Variants in IL23R observed in about 807,000 individuals in gnomAD.
IL23R encodes the protein interleukin-23 receptor.
In IL23R, 34 loss-of-function variants were observed where a neutral mutation model predicts 56.9. The ratio of observed to expected loss-of-function variants is 0.60; its 90% CI spans 0.45 to 0.80. IL23R has a LOEUF of 0.80. Among genes scored for constraint, IL23R ranks in the 30% least tolerant of loss-of-function variants. The probability of loss-of-function intolerance (pLI) is 0.00; values close to 1 mark genes in which losing one functional copy is unlikely to be tolerated. For synonymous variants in IL23R, 230 were observed against 249.2 expected (o/e 0.92, Z 0.73); for missense variants, 635 against 730.0 (o/e 0.87, Z 1.50).
rs557011996 is a variant in IL23R at position 67,182,585 on chromosome 1, G to A, written c.368-251G>A. On this transcript the variant is annotated intron_variant, in intron 3 of 10. Coordinates refer to ENST00000347310, the MANE Select transcript of IL23R (RefSeq NM_144701.3). The stretch of plus-strand genomic sequence containing the variant: ...AATTCCCTGACCCCTTGCACTTCCC[G>A]GGTGAGGCAATGCCTCGCCCTGCTT... 4.0e-4 allele frequency among the ~76,000 whole-genome samples: 61 copies of A among 152,214 alleles called. No homozygotes were observed. The South Asian group carries it at 9.3e-3, about 23-fold the overall frequency.
intron 7 of IL23R, among the ~76,000 whole-genome samples, chr1:67,226,849 C>T (rs1001941198): frequency 1.1e-4 from 17 of 152,174 alleles, no homozygotes; most frequent in Non-Finnish European, 2.1e-4. Context: ...CTAGTACTAT[C>T]TGGTCACCTC....
At chr1:67,226,055 C>G (rs918353737) in intron 7 of IL23R, among the ~76,000 whole-genome samples, 3 of 152,224 alleles carry the variant, frequency 2.0e-5, no homozygotes, top group East Asian at 1.9e-4. Context: ...TGTGGCTCAT[C>G]TATTCTGCCA....
intron 7 of IL23R, among the ~76,000 whole-genome samples, chr1:67,234,859 C>T (rs1651363874): frequency 6.6e-6 from 1 of 151,986 alleles, no homozygotes; most frequent in Non-Finnish European, 1.5e-5. Flanking sequence ...AGGCACCTGC[C>T]ACCATGCCTG....
At chr1:67,216,784 A>G (rs1649869500) in intron 6 of IL23R, among the ~76,000 whole-genome samples, 1 of 152,244 alleles carries the variant, frequency 6.6e-6, no homozygotes, top group Non-Finnish European at 1.5e-5. Context: ...CTGATAGAAC[A>G]GCATACAGAT....
chr1:67,249,611 A>G (rs1450370784), intron 9 of IL23R, among the ~76,000 whole-genome samples: 1 of 152,144 alleles, frequency 6.6e-6, no homozygotes, highest in Non-Finnish European at 1.5e-5. Context: ...ATTTAACCTG[A>G]AGAAGATTAA....
chr1:67,257,525 C>T (rs913043935), intron 10 of IL23R, among the ~76,000 whole-genome samples: 3 of 152,032 alleles, frequency 2.0e-5, no homozygotes, highest in African/African-American at 7.2e-5. Flanking sequence ...ACGTTTAGTC[C>T]GTAACAGGGG....
intron 4 of IL23R, among the ~76,000 whole-genome samples, chr1:67,188,326 T>A (rs1374997654): frequency 2.0e-5 from 3 of 152,186 alleles, no homozygotes; most frequent in Non-Finnish European, 4.4e-5. Flanking sequence ...GACTTCGACC[T>A]ACACTGAGTT....
intron 1 of IL23R, among the ~76,000 whole-genome samples, chr1:67,145,438 T>G (rs569918134): frequency 7.2e-5 from 11 of 152,316 alleles, no homozygotes; most frequent in African/African-American, 2.6e-4. Flanking sequence ...ACTAAGTATT[T>G]TGTGTAAATT....
In IL23R at chr1:67,219,652, C is replaced by T. The variant is rs2100229451; in HGVS notation, c.877C>T (p.Gln293Ter). The T allele has an allele frequency of 6.2e-7, 1 of 1,614,064 alleles. No individual in the cohort carries two copies. The highest frequency in any genetic ancestry group is 1.1e-5 in the South Asian group (1 of 91,086). ...YLEPNIKYVFQVRCQETGKRY... is the reference protein window; with the variant it reads ...YLEPNIKYVF Reference sequence around the variant, plus strand: ...GGAGCCAAACATTAAGTACGTATTTCAAGTGAGATGTCAAGAAACAGGCAA... The same window carrying T: ...GGAGCCAAACATTAAGTACGTATTTTAAGTGAGATGTCAAGAAACAGGCAA... The change falls in exon 7 of 11, where the codon CAA (glutamine) becomes TAA (stop). Residue 293 changes from glutamine (Q) to a stop codon, truncating the protein, a stop_gained. Transcript: ENST00000347310. LOFTEE classifies it high-confidence loss of function.
At chr1:67,181,594 C>A (rs754877576) in intron 3 of IL23R, among the ~76,000 whole-genome samples, 3 of 152,160 alleles carry the variant, frequency 2.0e-5, no homozygotes, top group Non-Finnish European at 2.9e-5. Context: ...TCCTTTAGCT[C>A]GGAGAAGTTT....
chr1:67,209,960 T>C (rs184334746), intron 6 of IL23R, among the ~76,000 whole-genome samples: 179 of 152,278 alleles, frequency 1.2e-3, no homozygotes, highest in African/African-American at 4.1e-3. Flanking sequence ...GGATAAAAAA[T>C]TTAAGTATTC....
At chr1:67,154,179 A>G (rs1646752940) in intron 1 of IL23R, among the ~76,000 whole-genome samples, 1 of 152,158 alleles carries the variant, frequency 6.6e-6, no homozygotes, top group African/African-American at 2.4e-5. Flanking sequence ...ACTTCCAATT[A>G]TGTGGTCTAT....
intron 5 of IL23R, among the ~76,000 whole-genome samples, chr1:67,203,856 T>C (rs1039606914): frequency 3.3e-5 from 5 of 152,180 alleles, no homozygotes; most frequent in African/African-American, 9.7e-5. Context: ...AAAAAGCATA[T>C]GAGAGGAATG....
chr1:67,233,146 C>T (rs567619009), intron 7 of IL23R, among the ~76,000 whole-genome samples: 166 of 134,932 alleles, frequency 1.2e-3, no homozygotes, highest in African/African-American at 4.5e-3. Flanking sequence ...GTCAGGAGTT[C>T]GAGACCAGTC....
chr1:67,232,277 T>C (rs1056870184), intron 7 of IL23R, among the ~76,000 whole-genome samples: 1 of 152,118 alleles, frequency 6.6e-6, no homozygotes, highest in Non-Finnish European at 1.5e-5. Flanking sequence ...GCTAGAAGAT[T>C]TAAAGCATCA....
At chr1:67,160,034 A>T (rs1646804714) in intron 1 of IL23R, among the ~76,000 whole-genome samples, 1 of 152,142 alleles carries the variant, frequency 6.6e-6, no homozygotes, top group African/African-American at 2.4e-5. Context: ...TTTTTAAAAA[A>T]TACAGATGAG....
intron 4 of IL23R, among the ~76,000 whole-genome samples, chr1:67,197,339 A>T (rs993477088): frequency 6.6e-6 from 1 of 152,210 alleles, no homozygotes; most frequent in Non-Finnish European, 1.5e-5. Flanking sequence ...AAAGGCAAAG[A>T]TCACAATAAA....
At chr1:67,206,882 G>GTTTT in intron 5 of IL23R, 28 bp from the exon 6 acceptor site, 4 of 1,286,408 alleles carry the variant, frequency 3.1e-6, no homozygotes, top group South Asian at 1.4e-5. Flanking sequence ...AAACAGCCAG[G>GTTTT]TCTTTTTTTT....
At chr1:67,161,803 T>G (rs1173508716), upstream of IL23R, among the ~76,000 whole-genome samples, 1 of 151,900 alleles carries the variant, frequency 6.6e-6, no homozygotes, top group Non-Finnish European at 1.5e-5. Flanking sequence ...AATTTTTGTA[T>G]TTTTAGTAGA....
Sources: allele counts gnomAD v4.1 joint callset (sites outside exome capture counted in the v4.1 genomes callset), GRCh38; gene constraint gnomAD v4.1.1; transcripts MANE v1.5; gene names NCBI Gene and HGNC (gene_info 2026-07-23, HGNC 2026-07-21).